Variants in VWA3B observed in about 807,000 individuals in gnomAD.
VWA3B encodes von Willebrand factor A domain-containing protein 3B.
In VWA3B, 138 loss-of-function variants were observed where a neutral mutation model predicts 158.3. That is an observed-to-expected ratio of 0.87 (90% CI 0.76 to 1.00). VWA3B has a LOEUF of 1.00. Among genes scored for constraint, VWA3B ranks in the 50% least tolerant of loss-of-function variants. VWA3B has a pLI of 0.00. For missense variants in VWA3B, 1,555 were observed against 1,565.1 expected, an observed-to-expected ratio of 0.99 and a Z score of 0.11; for synonymous variants, 596 against 587.3, an observed-to-expected ratio of 1.01 and a Z score of -0.21.
chr2:98,298,412 CTATT>C (rs1689957232), intron 24 of VWA3B, among the ~76,000 whole-genome samples: 1 of 150,802 alleles, frequency 6.6e-6, no homozygotes, highest in Non-Finnish European at 1.5e-5. Context: ...CTATTCTATT[CTATT>C]CTATTCTATT....
intron 12 of VWA3B, among the ~76,000 whole-genome samples, chr2:98,209,740 G>T (rs11124096): frequency 0.57 from 86,772 of 152,062 alleles, 25,222 homozygotes; most frequent in South Asian, 0.81. Context: ...TCAGTGGGTT[G>T]CTTTTCTCAT....
chr2:98,311,336 A>G (rs778842856), intron 26 of VWA3B, among the ~76,000 whole-genome samples: 4 of 152,240 alleles, frequency 2.6e-5, no homozygotes, highest in Non-Finnish European at 5.9e-5. Flanking sequence ...CCTAAGTTCA[A>G]TGTCATTACA....
rs150753050 is a variant in VWA3B, at chr2:98,129,206, GGAGA to G, written c.872+814_872+817del. Among the ~76,000 whole-genome samples, 41 of 128,434 alleles carry G rather than the reference GGAGA, an allele frequency of 3.2e-4. 1 individual carries two copies. In the East Asian group the frequency reaches 3.4e-3, roughly 11 times the overall value. 84.3% of individuals were successfully genotyped at this position (128,434 alleles called of 152,430 possible). ...GGAGAGAGAGAGTGAGAGAGAGAGA[GGAGA>G]GAGAGAGAGAGAGAGTGTGTGTGTG... is the stretch of plus-strand genomic sequence containing the variant. On this transcript the variant is annotated intron_variant, in intron 6 of 27. Transcript: ENST00000477737.
At chr2:98,088,721 T>A (rs1447649988) in intron 1 of VWA3B, among the ~76,000 whole-genome samples, 1 of 152,104 alleles carries the variant, frequency 6.6e-6, no homozygotes, top group Non-Finnish European at 1.5e-5. Context: ...AATAAATAAA[T>A]AAATAGCATA....
chr2:98,220,939 G>A (rs1159747000), intron 14 of VWA3B, among the ~76,000 whole-genome samples: 1 of 152,120 alleles, frequency 6.6e-6, no homozygotes, highest in Non-Finnish European at 1.5e-5. Context: ...ATGGACACAG[G>A]GAGGGGAACA....
rs370067145 is a variant in VWA3B, at chr2:98,180,042, T to C, written c.1115-974T>C. Among the ~76,000 whole-genome samples the C allele has an allele frequency of 3.1e-4, 46 of 149,764 alleles. No individual in the cohort carries two copies. The East Asian group carries it at 5.1e-3, about 17-fold the overall frequency. On this transcript the variant is annotated intron_variant, in intron 8 of 27. Transcript: ENST00000477737. ...TCTTTTTCTTTCTTCTCTCTCTCCT[T>C]CCTCCCTCCCTCCTTTTCTCTCTTT...
At chr2:98,250,275 C>T (rs770873416) in intron 19 of VWA3B, 43 bp from the exon 20 acceptor site, 1 of 1,510,958 alleles carries the variant, frequency 6.6e-7, no homozygotes, top group East Asian at 2.3e-5. Context: ...CACGCATTAA[C>T]CTATCAAGTG....
intron 7 of VWA3B, among the ~76,000 whole-genome samples, chr2:98,139,168 A>C (rs1001218067): frequency 2.6e-5 from 4 of 152,208 alleles, no homozygotes; most frequent in Non-Finnish European, 5.9e-5. Context: ...CGGAGGGTGT[A>C]CTGGGTCCCC....
In VWA3B at chr2:98,193,028, T is replaced by C; in HGVS notation, c.1597T>C (p.Phe533Leu). The C allele has an allele frequency of 6.2e-7, 1 of 1,612,488 alleles. No individual in the cohort carries two copies. The highest frequency in any genetic ancestry group is 1.1e-5 in the South Asian group (1 of 90,708). Reference protein sequence around the residue: ...LDLVKDKIIQFIQEQLKYKSK... With the variant: ...LDLVKDKIIQLIQEQLKYKSK... Reference sequence around the variant, plus strand: ...CTTGGTGAAGGACAAGATCATTCAGTTCATACAGGTTAGATGGAACTGTCG... The same window carrying C: ...CTTGGTGAAGGACAAGATCATTCAGCTCATACAGGTTAGATGGAACTGTCG... The change falls in exon 11 of 28, where the codon TTC becomes CTC. Residue 533 changes from phenylalanine to leucine, a missense_variant. Physicochemically the swap from Phe to Leu is conservative, Grantham distance 22. Transcript: ENST00000477737.
intron 21 of VWA3B, among the ~76,000 whole-genome samples, chr2:98,269,751 G>A (rs62157893): frequency 0.039 from 5,911 of 152,310 alleles, 172 homozygotes; most frequent in Middle Eastern, 0.075. Flanking sequence ...TCGCAAAGGC[G>A]ATTTGGTTCA....
chr2:98,180,882 A>G, intron 8 of VWA3B, 134 bp from the exon 9 acceptor site: 1 of 910,184 alleles, frequency 1.1e-6, no homozygotes, highest in Non-Finnish European at 1.6e-6. Context: ...CCTGCTTTGG[A>G]AAGCTGTTTT....
intron 15 of VWA3B, 120 bp from the exon 16 acceptor site, chr2:98,229,930 G>T: frequency 8.9e-7 from 1 of 1,123,160 alleles, no homozygotes; most frequent in Non-Finnish European, 1.2e-6. Flanking sequence ...GATGGGGGAA[G>T]GCTTACTTTT....
chr2:98,143,743 T>C (rs1294373197), intron 7 of VWA3B, among the ~76,000 whole-genome samples: 1 of 147,214 alleles, frequency 6.8e-6, no homozygotes, highest in East Asian at 2.0e-4. Context: ...CTTTCTTTTC[T>C]TTTCTTTTCT....
At chr2:98,329,064 C>T in the VWA3B span, among the ~76,000 whole-genome samples, 40 of 152,134 alleles carry the variant, frequency 2.6e-4, no homozygotes, top group East Asian at 3.5e-3. Context: ...CAACAAAAGT[C>T]CCAAGGCAAT....
intron 23 of VWA3B, among the ~76,000 whole-genome samples, chr2:98,297,694 C>T (rs1036336681): frequency 2.0e-5 from 3 of 152,082 alleles, no homozygotes; most frequent in South Asian, 2.1e-4. Context: ...CTCATCTCAG[C>T]GGGTGCCCAG....
At chr2:98,235,923 A>T (rs1558709252) in intron 17 of VWA3B, among the ~76,000 whole-genome samples, 1 of 152,200 alleles carries the variant, frequency 6.6e-6, no homozygotes, top group African/African-American at 2.4e-5. Flanking sequence ...TAAAACCCCA[A>T]ATATTAATTT....
chr2:98,162,519 G>GA (rs1432434619), intron 7 of VWA3B, among the ~76,000 whole-genome samples: 1 of 152,176 alleles, frequency 6.6e-6, no homozygotes, highest in Non-Finnish European at 1.5e-5. Flanking sequence ...TCGCAGCGGT[G>GA]ACCCTGGCTT....
At chr2:98,243,193 A>G (rs1416492469) in intron 19 of VWA3B, among the ~76,000 whole-genome samples, 1 of 152,140 alleles carries the variant, frequency 6.6e-6, no homozygotes, top group Non-Finnish European at 1.5e-5. Flanking sequence ...CCACCTATCC[A>G]TGAACATTGT....
intron 12 of VWA3B, among the ~76,000 whole-genome samples, chr2:98,201,147 T>C (rs1410582742): frequency 1.3e-5 from 2 of 152,222 alleles, no homozygotes; most frequent in African/African-American, 4.8e-5. Flanking sequence ...GAATCAGTTG[T>C]TGAAATCTAC....
Sources: allele counts gnomAD v4.1 joint callset (sites outside exome capture counted in the v4.1 genomes callset), GRCh38; gene constraint gnomAD v4.1.1; transcripts MANE v1.5; gene names NCBI Gene and HGNC (gene_info 2026-07-23, HGNC 2026-07-21).